The following TMEM132D variants were observed in gnomAD, a reference collection of about 807,000 sequenced individuals.
TMEM132D encodes transmembrane protein 132D, also known as mature OL transmembrane protein.
A neutral mutation model predicts 62.3 loss-of-function variants in TMEM132D; 21 were observed. That is an observed-to-expected ratio of 0.34 (90% CI 0.24 to 0.49). TMEM132D has a LOEUF of 0.49. Ranked by LOEUF, TMEM132D falls within the 20% of genes least tolerant of loss-of-function variation. The probability of loss-of-function intolerance (pLI) is 0.99; values close to 1 mark genes in which losing one functional copy is unlikely to be tolerated. For synonymous variants in TMEM132D, 621 were observed against 575.6 expected (o/e 1.08, Z -1.13); for missense variants, 1,346 against 1,402.8 (o/e 0.96, Z 0.65).
chr12:129,593,243 G>A (rs1452769228), intron 2 of TMEM132D, among the ~76,000 whole-genome samples: 1 of 152,184 alleles, frequency 6.6e-6, no homozygotes, highest in African/African-American at 2.4e-5. Context: ...CTTTTTGTTT[G>A]TTTGGTTGGT....
intron 2 of TMEM132D, among the ~76,000 whole-genome samples, chr12:129,534,755 T>C (rs1876332473): frequency 6.6e-6 from 1 of 152,142 alleles, no homozygotes; most frequent in Admixed American, 6.5e-5. Flanking sequence ...GAATATAATC[T>C]TGAACAAAGA....
chr12:129,775,343 TGACAAGCAGC>T (rs1323662202), intron 1 of TMEM132D, among the ~76,000 whole-genome samples: 1 of 152,162 alleles, frequency 6.6e-6, no homozygotes, highest in African/African-American at 2.4e-5. Context: ...CAGCTGCAGA[TGACAAGCAGC>T]GACCTTGCCC....
At position 129,371,196 on chromosome 12, in the gene TMEM132D, G is replaced by A. The variant is rs73151028; in HGVS notation, c.1116-33379C>T. On this transcript the variant is annotated intron_variant, in intron 3 of 8. Transcript: ENST00000422113. The surrounding 1 kb of genome is among the most constrained non-coding windows in gnomAD (Gnocchi z 4.3). ...GCTAAAACAAAGTCACACTGACTAA[G>A]TTTTCAAAAATATTACTTTTTAAAT... Among the ~76,000 whole-genome samples, 862 of 152,254 alleles carry A rather than the reference G, an allele frequency of 5.7e-3. 3 individuals carry two copies. Among genetic ancestry groups the A allele is most frequent in the Non-Finnish European group, 9.2e-3 (626 of 68,018 alleles).
intron 3 of TMEM132D, 34 bp downstream of exon 3, chr12:129,531,024 TG>T (rs968009408): frequency 3.6e-5 from 55 of 1,517,344 alleles, no homozygotes; most frequent in Non-Finnish European, 4.8e-5. Context: ...CATTTGCAGC[TG>T]ATCTGAATAT....
intron 5 of TMEM132D, chr12:129,085,276 C>T (rs1398433239): frequency 6.5e-6 from 1 of 153,950 alleles, no homozygotes; most frequent in Admixed American, 6.5e-5. Context: ...AGAACGTCCT[C>T]AACAGGGCAT....
At chr12:129,542,334 G>A (rs936747989) in intron 2 of TMEM132D, among the ~76,000 whole-genome samples, 2 of 152,040 alleles carry the variant, frequency 1.3e-5, no homozygotes, top group Non-Finnish European at 2.9e-5. Flanking sequence ...CAGCCTTCAT[G>A]GTTACCAGTG....
intron 4 of TMEM132D, among the ~76,000 whole-genome samples, chr12:129,253,156 T>C (rs1593312429): frequency 6.6e-6 from 1 of 151,054 alleles, no homozygotes; most frequent in African/African-American, 2.4e-5. Flanking sequence ...CAAACCTGCA[T>C]GTTGTGCACA....
intron 1 of TMEM132D, among the ~76,000 whole-genome samples, chr12:129,796,331 A>AT (rs1456898056): frequency 6.6e-6 from 1 of 151,964 alleles, no homozygotes; most frequent in Non-Finnish European, 1.5e-5. Context: ...TTTTGTTTTT[A>AT]TTTTTTAAAA....
chr12:129,307,773 C>T (rs1320155322), intron 4 of TMEM132D, among the ~76,000 whole-genome samples: 1 of 152,234 alleles, frequency 6.6e-6, no homozygotes, highest in African/African-American at 2.4e-5. Flanking sequence ...GGCTTCTTAG[C>T]TGGACTCTGC....
chr12:129,600,636 T>C (rs1878460455), intron 2 of TMEM132D, among the ~76,000 whole-genome samples: 1 of 152,220 alleles, frequency 6.6e-6, no homozygotes, highest in African/African-American at 2.4e-5. Context: ...GAATGCTGCA[T>C]TAGAAGGCAT....
intron 5 of TMEM132D, among the ~76,000 whole-genome samples, chr12:129,116,829 G>T (rs1379217448): frequency 7.1e-6 from 1 of 141,714 alleles, no homozygotes; most frequent in African/African-American, 2.6e-5. Flanking sequence ...AAGACAGTTT[G>T]GTAGTTTCTT....
At chr12:129,800,206 G>A (rs1871720277) in intron 1 of TMEM132D, among the ~76,000 whole-genome samples, 1 of 152,072 alleles carries the variant, frequency 6.6e-6, no homozygotes, top group African/African-American at 2.4e-5. Flanking sequence ...ATTTAAGTAG[G>A]GCACAAATCT....
At chr12:129,688,941 G>C (rs1035427773) in intron 2 of TMEM132D, among the ~76,000 whole-genome samples, 1 of 152,214 alleles carries the variant, frequency 6.6e-6, no homozygotes, top group Middle Eastern at 3.4e-3. Flanking sequence ...TCTCTAACCA[G>C]AGGTTATTGC....
At chr12:129,446,959 A>G (rs956692017) in intron 3 of TMEM132D, among the ~76,000 whole-genome samples, 11 of 152,222 alleles carry the variant, frequency 7.2e-5, no homozygotes, top group African/African-American at 2.4e-4. Context: ...AAAGTCCCCA[A>G]GCGGACCACA....
At chr12:129,323,543 C>G (rs190588709) in intron 4 of TMEM132D, among the ~76,000 whole-genome samples, 1 of 152,290 alleles carries the variant, frequency 6.6e-6, no homozygotes, top group Admixed American at 6.5e-5. Context: ...TAGAGGTAGC[C>G]TGGCCTGGAG....
chr12:129,755,809 T>G (rs1422461739), intron 1 of TMEM132D, among the ~76,000 whole-genome samples: 2 of 152,142 alleles, frequency 1.3e-5, no homozygotes, highest in Admixed American at 1.3e-4. Flanking sequence ...CAAGCACCGG[T>G]AAAACCTACC....
chr12:129,673,264 T>C (rs912132196), intron 2 of TMEM132D, among the ~76,000 whole-genome samples: 3 of 150,392 alleles, frequency 2.0e-5, no homozygotes, highest in Admixed American at 7.3e-5. Context: ...CATGTGGTCT[T>C]TTATGACTGG....
rs1253793705 is a variant in TMEM132D, at chr12:129,779,118, A to G, written c.80-78420T>C. ...ATTCTCATACAACGAGGCGACTGCA[A>G]CAGCTCCAGGCATCACATTCCAAAT... On this transcript the variant is annotated intron_variant, in intron 1 of 8. Coordinates refer to ENST00000422113, the MANE Select transcript of TMEM132D (RefSeq NM_133448.3). This position sits in a 1 kb window ranked among gnomAD's most constrained non-coding sequence, Gnocchi z 4.1. Among the ~76,000 whole-genome samples the G allele has an allele frequency of 6.6e-6, 1 of 152,192 alleles. No homozygotes were observed. The highest frequency in any genetic ancestry group is 1.9e-4 in the East Asian group (1 of 5,196).
At chr12:129,500,549 A>T (rs752862777) in intron 3 of TMEM132D, among the ~76,000 whole-genome samples, 2 of 152,170 alleles carry the variant, frequency 1.3e-5, no homozygotes, top group Non-Finnish European at 2.9e-5. Flanking sequence ...AACCTGCCCA[A>T]AGGGACCTGG....
Sources: allele counts gnomAD v4.1 joint callset (sites outside exome capture counted in the v4.1 genomes callset), GRCh38; gene constraint gnomAD v4.1.1; non-coding constraint Gnocchi (gnomAD v3.1); transcripts MANE v1.5; gene names NCBI Gene and HGNC (gene_info 2026-07-23, HGNC 2026-07-21).